Variants in ARAP2 observed in about 807,000 individuals in gnomAD.
ARAP2 encodes ArfGAP with RhoGAP domain, ankyrin repeat and PH domain 2, also known as arf-GAP with Rho-GAP domain, ANK repeat and PH domain-containing protein 2.
Under a neutral mutation model 194.5 loss-of-function variants are expected in ARAP2, and 148 were observed. The observed-to-expected ratio is 0.76, with a 90% CI of 0.67 to 0.87. The LOEUF is 0.87. Among genes scored for constraint, ARAP2 ranks in the 40% least tolerant of loss-of-function variants. The pLI is 0.00. For synonymous variants in ARAP2, 695 were observed against 683.5 expected (o/e 1.02, Z -0.26); for missense variants, 2,128 against 1,989.7 (o/e 1.07, Z -1.32).
At chr4:36,144,943 T>A (rs1166123520) in intron 19 of ARAP2, among the ~76,000 whole-genome samples, 1 of 151,978 alleles carries the variant, frequency 6.6e-6, no homozygotes, top group Non-Finnish European at 1.5e-5. Flanking sequence ...ATGTTTTCCC[T>A]TATGATTTTA....
At chr4:36,139,357 C>G (rs535350745) in intron 19 of ARAP2, among the ~76,000 whole-genome samples, 1 of 151,496 alleles carries the variant, frequency 6.6e-6, no homozygotes. Context: ...TAAACTGATG[C>G]ACAGTTTTAT....
At chr4:36,164,803 C>T in intron 11 of ARAP2, 111 bp downstream of exon 11, 1 of 1,025,848 alleles carries the variant, frequency 9.7e-7, no homozygotes, top group Non-Finnish European at 1.4e-6. Context: ...TAAGCTTTCT[C>T]TGGTTTTACT....
intron 31 of ARAP2, among the ~76,000 whole-genome samples, chr4:36,076,712 G>A (rs1288925167): frequency 6.6e-6 from 1 of 151,772 alleles, no homozygotes; most frequent in Non-Finnish European, 1.5e-5. Context: ...TATAATCTAA[G>A]TGCTGACTTC....
At chr4:36,020,172 A>G (rs1716663125) in intron 5 of ARAP2, among the ~76,000 whole-genome samples, 1 of 152,214 alleles carries the variant, frequency 6.6e-6, no homozygotes, top group Non-Finnish European at 1.5e-5. Context: ...GCAATTTGGG[A>G]GGCCAAGGCG....
At position 36,204,038 on chromosome 4, in the gene ARAP2, C is replaced by A. The variant is rs576150460; in HGVS notation, c.1487+6352G>T. 1.6e-4 allele frequency among the ~76,000 whole-genome samples: 24 copies of A among 151,328 alleles called. 1 individual carries two copies. The South Asian group carries it at 2.1e-3, about 13-fold the overall frequency. On this transcript the variant is annotated intron_variant, in intron 6 of 32. Transcript: ENST00000303965. ...GTTAATTACAGTATAACAACAACAA[C>A]AAAAAAAACTGGGTTAGGAAACACA...
intron 22 of ARAP2, among the ~76,000 whole-genome samples, chr4:36,121,615 A>C (rs1279985540): frequency 6.6e-6 from 1 of 151,772 alleles, no homozygotes; most frequent in East Asian, 1.9e-4. Context: ...ACTATAAAAC[A>C]ACCTGTGGCC....
At chr4:36,089,654 T>C (rs1164521299) in intron 28 of ARAP2, among the ~76,000 whole-genome samples, 1 of 152,146 alleles carries the variant, frequency 6.6e-6, no homozygotes, top group African/African-American at 2.4e-5. Flanking sequence ...TAGTGTCTTG[T>C]GGTTCTAGTT....
intron 9 of ARAP2, among the ~76,000 whole-genome samples, chr4:36,008,319 G>A (rs1713744035): frequency 6.6e-6 from 1 of 151,938 alleles, no homozygotes; most frequent in Non-Finnish European, 1.5e-5. Flanking sequence ...AATCAAAACA[G>A]CATGGTACTA....
intron 3 of ARAP2, among the ~76,000 whole-genome samples, chr4:36,050,039 C>T (rs1722412504): frequency 2.0e-5 from 3 of 152,084 alleles, no homozygotes; most frequent in African/African-American, 7.2e-5. Context: ...TTTATGAAAG[C>T]TTCAATAGAA....
intron 31 of ARAP2, among the ~76,000 whole-genome samples, chr4:36,076,967 G>A (rs1206354969): frequency 6.6e-6 from 1 of 152,102 alleles, no homozygotes; most frequent in Admixed American, 6.6e-5. Context: ...TGACACAGGA[G>A]TTAAGAAGGA....
chr4:36,231,318 G>C (rs1227492720), intron 1 of ARAP2, among the ~76,000 whole-genome samples: 2 of 151,836 alleles, frequency 1.3e-5, no homozygotes, highest in Non-Finnish European at 2.9e-5. Flanking sequence ...CCTGGAGACA[G>C]AGCGAGACTT....
chr4:36,136,848 C>T (rs1726908632), intron 19 of ARAP2, among the ~76,000 whole-genome samples: 1 of 148,758 alleles, frequency 6.7e-6, no homozygotes, highest in African/African-American at 2.5e-5. Flanking sequence ...TCCTATCACA[C>T]CTAAGATTCA....
At chr4:36,156,395 GAAA>G (rs1560549303) in intron 15 of ARAP2, among the ~76,000 whole-genome samples, 13 of 14,674 alleles carry the variant, frequency 8.9e-4, no homozygotes, top group Non-Finnish European at 1.5e-3. Context: ...GAGAGAGAAA[GAAA>G]GAAAGAAAGA....
intron 1 of ARAP2, among the ~76,000 whole-genome samples, chr4:36,230,975 C>T (rs915717263): frequency 1.3e-5 from 2 of 152,196 alleles, no homozygotes; most frequent in Non-Finnish European, 2.9e-5. Context: ...TGATGAAAGG[C>T]AAGAAATGCC....
chr4:36,221,692 G>C (rs1039162753), intron 2 of ARAP2, among the ~76,000 whole-genome samples: 80 of 152,238 alleles, frequency 5.3e-4, no homozygotes, highest in Middle Eastern at 3.4e-3. Context: ...TATCAACCAA[G>C]TTCAGATGAA....
rs199776393 is a variant in ARAP2, at chr4:36,159,555, A to G, written c.2443-50T>C. The G allele has an allele frequency of 1.0e-4, 140 of 1,377,488 alleles. No homozygotes were observed. The African/African-American group carries it at 1.7e-3, about 17-fold the overall frequency. The allele number at this position is 1,377,488 out of a possible 1,614,324, so 85.3% of individuals were successfully genotyped here. ...TCTTAAGGAAAGAAAATAAGATTCT[A>G]GCTATTAAAATGAGTGAAAGTCTGA... On this transcript the variant is annotated intron_variant, in intron 13 of 32. Coordinates refer to ENST00000303965, the MANE Select transcript of ARAP2 (RefSeq NM_015230.4).
intron 4 of ARAP2, 138 bp downstream of exon 4, chr4:36,213,104 CA>C: frequency 1.5e-6 from 1 of 658,892 alleles, no homozygotes; most frequent in African/African-American, 1.9e-5. Flanking sequence ...TTTTACTGAA[CA>C]AAAATTTTGC....
chr4:36,043,244 A>C (rs1375338619), intron 5 of ARAP2, among the ~76,000 whole-genome samples: 2 of 152,174 alleles, frequency 1.3e-5, no homozygotes, highest in Non-Finnish European at 2.9e-5. Context: ...CCATGCTAAC[A>C]AAGACATCCC....
At chr4:36,215,780 C>T (rs750394716) in intron 2 of ARAP2, among the ~76,000 whole-genome samples, 31 of 151,618 alleles carry the variant, frequency 2.0e-4, no homozygotes, top group Non-Finnish European at 3.5e-4. Context: ...GCCCAGGAGG[C>T]GGAGCCCTGC....
Sources: allele counts gnomAD v4.1 joint callset (sites outside exome capture counted in the v4.1 genomes callset), GRCh38; gene constraint gnomAD v4.1.1; transcripts MANE v1.5; gene names NCBI Gene and HGNC (gene_info 2026-07-23, HGNC 2026-07-21).